OTOGL: variants seen among roughly 807,000 people sequenced by gnomAD.
The protein encoded by OTOGL is otogelin-like protein.
In OTOGL, 285 loss-of-function variants were observed where a neutral mutation model predicts 318.5. The observed-to-expected ratio is 0.89, with a 90% CI of 0.81 to 0.99. The LOEUF (loss-of-function observed/expected upper bound fraction) is 0.99. Ranked by LOEUF, OTOGL falls within the 50% of genes least tolerant of loss-of-function variation. The probability of loss-of-function intolerance (pLI) is 0.00; values close to 1 mark genes in which losing one functional copy is unlikely to be tolerated. For missense variants in OTOGL, 2,899 were observed against 2,845.6 expected (o/e 1.02, Z -0.43); for synonymous variants, 987 against 936.5 (o/e 1.05, Z -0.99).
chr12:80,353,681 G>T (rs1566008421), intron 46 of OTOGL, among the ~76,000 whole-genome samples, 171 bp downstream of exon 46: 1 of 152,186 alleles, frequency 6.6e-6, no homozygotes, highest in Non-Finnish European at 1.5e-5. Flanking sequence ...GAAGTTAATT[G>T]TTACAAAAGC....
intron 1 of OTOGL, among the ~76,000 whole-genome samples, chr12:80,208,783 T>C (rs116668910): frequency 0.036 from 5,432 of 152,270 alleles, 334 homozygotes; most frequent in African/African-American, 0.12. Context: ...TTATCTTTTT[T>C]TAAAAATTGC....
chr12:80,227,573 G>A (rs2137381676), intron 7 of OTOGL, among the ~76,000 whole-genome samples: 1 of 152,238 alleles, frequency 6.6e-6, no homozygotes, highest in South Asian at 2.1e-4. Flanking sequence ...GAGTGAGCAA[G>A]GATCTGCTTG....
rs190997924 is a variant in OTOGL at position 80,210,887 on chromosome 12, G to A, written c.119+1G>A. 5 of 1,481,036 alleles carry A rather than the reference G, an allele frequency of 3.4e-6. No homozygotes were observed. The East Asian group carries it at 1.0e-4, about 31-fold the overall frequency. The allele number at this position is 1,481,036 out of a possible 1,614,324, so 91.7% of individuals were successfully genotyped here. ...CGTCTATATTGATGGGAACATCAAA[G>A]TGAGTATTTCTTGTTCTTCGTGTCC... On this transcript the variant is annotated splice_donor_variant, in intron 3 of 58. Coordinates refer to ENST00000547103, the MANE Select transcript of OTOGL (RefSeq NM_001378609.3). LOFTEE classifies it high-confidence loss of function.
At chr12:80,100,349 A>G (rs538768849) in intron 1 of OTOGL, among the ~76,000 whole-genome samples, 2 of 152,316 alleles carry the variant, frequency 1.3e-5, no homozygotes, top group African/African-American at 4.8e-5. Context: ...CAACAAAAAT[A>G]TGATAAATGC....
rs75287157 is a variant in OTOGL at position 80,209,618 on chromosome 12, A to G, written c.79+108A>G. 995 of 649,000 alleles carry G rather than the reference A, an allele frequency of 1.5e-3. 18 individuals are homozygous for G. The East Asian group carries it at 0.025, about 16-fold the overall frequency. The allele number at this position is 649,000 out of a possible 1,614,324, so 40.2% of individuals were successfully genotyped here. A position where few individuals can be genotyped will look rare whatever the true frequency, so the allele number is the denominator to read the frequency against. On this transcript the variant is annotated intron_variant, in intron 2 of 58. Transcript: ENST00000547103. ...AAGCACTTTGAAGTCATTAGAATGA[A>G]TTGTACTAAATGATACTCAGATCAC...
Position 80,328,753 on chromosome 12 carries a change from G to A in OTOGL, c.4279+9G>A. The A allele has an allele frequency of 6.3e-7, 1 of 1,578,734 alleles. No homozygotes were observed. Among genetic ancestry groups the A allele is most frequent in the Non-Finnish European group, 8.7e-7 (1 of 1,149,780 alleles). On this transcript the variant is annotated intron_variant, in intron 36 of 58. Coordinates refer to ENST00000547103, the MANE Select transcript of OTOGL (RefSeq NM_001378609.3). ...TGTTTATCCACGAGACTGTAAGTGT[G>A]AACGTTGCTTAATTTACTCTGAAAA...
chr12:80,190,494 A>C (rs1157254658), intron 1 of OTOGL, among the ~76,000 whole-genome samples: 1 of 152,218 alleles, frequency 6.6e-6, no homozygotes, highest in Admixed American at 6.5e-5. Flanking sequence ...TCTCAGTTTA[A>C]GAGTGAATCC....
intron 3 of OTOGL, among the ~76,000 whole-genome samples, chr12:80,211,605 A>G (rs1451717196): frequency 6.6e-6 from 1 of 152,184 alleles, no homozygotes; most frequent in African/African-American, 2.4e-5. Context: ...TGACCTCACT[A>G]GATTTGCAAA....
chr12:80,168,677 A>G (rs1873989829), intron 1 of OTOGL, among the ~76,000 whole-genome samples: 1 of 152,176 alleles, frequency 6.6e-6, no homozygotes, highest in Non-Finnish European at 1.5e-5. Flanking sequence ...GACGTGGAAG[A>G]TATTGTTTAA....
intron 1 of OTOGL, among the ~76,000 whole-genome samples, chr12:80,168,740 G>A (rs529174210): frequency 1.3e-5 from 2 of 152,160 alleles, no homozygotes; most frequent in Non-Finnish European, 2.9e-5. Context: ...GAACCTCAAT[G>A]CCAAGTGTCT....
At chr12:80,265,418 T>C (rs1197848824) in intron 20 of OTOGL, 3 of 594,296 alleles carry the variant, frequency 5.0e-6, no homozygotes, top group East Asian at 5.8e-5. Flanking sequence ...TTTGACTAGT[T>C]TTGTAATAAA....
At chr12:80,264,903 T>TA in intron 19 of OTOGL, 98 bp from the exon 20 acceptor site, 1 of 1,205,342 alleles carries the variant, frequency 8.3e-7, no homozygotes, top group Non-Finnish European at 1.2e-6. Flanking sequence ...TTAAAAGTAA[T>TA]ATGCACTACA....
chr12:80,192,164 T>C (rs969263737), intron 1 of OTOGL, among the ~76,000 whole-genome samples: 1 of 152,234 alleles, frequency 6.6e-6, no homozygotes, highest in Admixed American at 6.5e-5. Flanking sequence ...ACAGGACATA[T>C]GGCAAACTTT....
intron 28 of OTOGL, among the ~76,000 whole-genome samples, chr12:80,304,939 T>G (rs555790867): frequency 3.9e-5 from 6 of 152,332 alleles, no homozygotes; most frequent in African/African-American, 1.4e-4. Flanking sequence ...ACCTTAGAAT[T>G]ACATCTGCCA....
intron 23 of OTOGL, among the ~76,000 whole-genome samples, chr12:80,270,958 C>T (rs1204113982): frequency 6.6e-6 from 1 of 151,870 alleles, no homozygotes; most frequent in Non-Finnish European, 1.5e-5. Context: ...ATTTGAATGG[C>T]CTGGTATATA....
chr12:80,112,359 G>A (rs189941529), intron 1 of OTOGL, among the ~76,000 whole-genome samples: 24 of 152,168 alleles, frequency 1.6e-4, no homozygotes, highest in Admixed American at 3.9e-4. Flanking sequence ...TTGCCCATTC[G>A]GTATGGTATT....
intron 1 of OTOGL, among the ~76,000 whole-genome samples, chr12:80,127,001 C>T (rs575023173): frequency 7.6e-4 from 115 of 152,266 alleles, no homozygotes; most frequent in Non-Finnish European, 1.5e-3. Context: ...ATCCAATTTG[C>T]CAGTCCGTGT....
At chr12:80,252,337 T>C (rs1881644390) in intron 13 of OTOGL, 136 bp downstream of exon 13, 7 of 988,274 alleles carry the variant, frequency 7.1e-6, no homozygotes, top group Non-Finnish European at 9.5e-6. Flanking sequence ...TAGAAGTTGG[T>C]CCTTGAAGTG....
chr12:80,113,862 C>G (rs952653590), intron 1 of OTOGL, among the ~76,000 whole-genome samples: 1 of 152,136 alleles, frequency 6.6e-6, no homozygotes, highest in African/African-American at 2.4e-5. Flanking sequence ...GATTCCTTTA[C>G]CACAATGTGA....
Sources: gnomAD v4.1 joint callset for allele counts (sites outside exome capture counted in the v4.1 genomes callset) on GRCh38, gnomAD v4.1.1 for gene constraint, MANE v1.5 for transcripts, NCBI Gene and HGNC (gene_info 2026-07-23, HGNC 2026-07-21) for gene names.